Variants in PTPRG observed in about 807,000 individuals in gnomAD.
PTPRG encodes the protein receptor-type tyrosine-protein phosphatase gamma.
PTPRG carries 102 observed loss-of-function variants against 165.3 expected under a neutral mutation model. The ratio of observed to expected loss-of-function variants is 0.62; its 90% CI spans 0.53 to 0.73. The LOEUF is 0.73. Among genes scored for constraint, PTPRG ranks in the 30% least tolerant of loss-of-function variants. The pLI, the probability that PTPRG is intolerant of heterozygous loss-of-function variation, is 0.00. For synonymous variants in PTPRG, 675 were observed against 669.5 expected (o/e 1.01, Z -0.13); for missense variants, 1,866 against 1,861.4 (o/e 1.00, Z -0.05).
chr3:61,727,776 A>G (rs1471457550), intron 1 of PTPRG, among the ~76,000 whole-genome samples: 1 of 152,256 alleles, frequency 6.6e-6, no homozygotes, highest in African/African-American at 2.4e-5. Context: ...GTTCTAGGTA[A>G]CTAAATAATT....
At chr3:61,902,178 C>G (rs2038515972) in intron 2 of PTPRG, among the ~76,000 whole-genome samples, 1 of 152,164 alleles carries the variant, frequency 6.6e-6, no homozygotes, top group African/African-American at 2.4e-5. Flanking sequence ...TGGAGAGATG[C>G]CACATTCTTC....
chr3:61,928,306 G>C (rs2039276769), intron 2 of PTPRG, among the ~76,000 whole-genome samples: 1 of 152,072 alleles, frequency 6.6e-6, no homozygotes, highest in African/African-American at 2.4e-5. Flanking sequence ...AGAATAATGC[G>C]ACCCCATATT....
chr3:61,599,826 C>G (rs1044748195), intron 1 of PTPRG, among the ~76,000 whole-genome samples: 15 of 152,092 alleles, frequency 9.9e-5, no homozygotes, highest in African/African-American at 2.2e-4. Flanking sequence ...CAAACAAATG[C>G]ATTCATGTTT....
At chr3:62,201,666 C>A (rs1252329026) in intron 11 of PTPRG, 112 bp downstream of exon 11, 20 of 919,692 alleles carry the variant, frequency 2.2e-5, no homozygotes, top group Non-Finnish European at 3.1e-5. Flanking sequence ...CAGTGTAAAG[C>A]GGTTATAGTA....
intron 5 of PTPRG, chr3:62,124,413 G>T (rs754390687): frequency 5.6e-6 from 9 of 1,613,926 alleles, no homozygotes; most frequent in Non-Finnish European, 7.6e-6. Flanking sequence ...ATGACGTGCT[G>T]CAGGATTTCC....
chr3:61,583,334 G>GCCC, intron 1 of PTPRG, among the ~76,000 whole-genome samples: 1 of 152,236 alleles, frequency 6.6e-6, no homozygotes, highest in South Asian at 2.1e-4. Flanking sequence ...CCTTACAGTG[G>GCCC]TCTTGTAAAC....
chr3:62,159,085 G>A (rs1009610222), intron 7 of PTPRG, among the ~76,000 whole-genome samples: 5 of 152,050 alleles, frequency 3.3e-5, no homozygotes, highest in Admixed American at 2.6e-4. Flanking sequence ...AGCACTTTGG[G>A]AGGGTGAAGC....
chr3:62,271,482 C>T lies in PTPRG; in HGVS notation c.3109C>T (p.Pro1037Ser), dbSNP rs1420124322. 1.2e-6 allele frequency: 2 copies of T among 1,613,908 alleles called. No homozygotes were observed. Among genetic ancestry groups the T allele is most frequent in the Non-Finnish European group, 1.7e-6 (2 of 1,179,892 alleles). ...PDMGVPEYAL[P>S]VLTFVRRSSA... ...CATGGGAGTTCCCGAGTATGCCCTT[C>T]CAGTACTGACTTTCGTGAGGAGATC... Residue 1037 changes from proline (P) to serine (S), a missense_variant, in exon 21 of 30, where the codon CCA (proline) becomes TCA (serine). Around this residue, in one of 3 missense-constraint regions of PTPRG, gnomAD observed 1,452 missense variants for 1,463.0 expected, o/e 0.99. Transcript: ENST00000474889. This position sits in a 1 kb window ranked among gnomAD's most constrained non-coding sequence, Gnocchi z 4.1.
chr3:62,191,507 C>G lies in PTPRG; in HGVS notation c.1072C>G (p.Leu358Val). ...ACCCATCCACATGAAGGTGCAGCCT[C>G]TGAACCAGACGGCACTGCAGGTGTC... ...SPPIHMKVQP[L>V]NQTALQVSWS... The change falls in exon 9 of 30, where the codon CTG (leucine) becomes GTG (valine). Residue 358 changes from leucine (L) to valine (V), a missense_variant. Leu to Val is a conservative substitution (Grantham distance 32, BLOSUM62 1). Coordinates refer to ENST00000474889, the MANE Select transcript of PTPRG (RefSeq NM_002841.4). 1 of 1,614,154 alleles carries G rather than the reference C, an allele frequency of 6.2e-7. No individual in the cohort carries two copies. Among genetic ancestry groups the G allele is most frequent in the South Asian group, 1.1e-5 (1 of 91,072 alleles).
chr3:61,957,001 C>T (rs1052706403), intron 2 of PTPRG, among the ~76,000 whole-genome samples: 2 of 152,104 alleles, frequency 1.3e-5, no homozygotes, highest in Non-Finnish European at 2.9e-5. Context: ...TGTTAGTATT[C>T]CACATTAATA....
chr3:62,195,284 AT>A lies in PTPRG; in HGVS notation c.1327+115del. 2 of 973,266 alleles carry A rather than the reference AT, an allele frequency of 2.1e-6. No homozygotes were observed. Among genetic ancestry groups the A allele is most frequent in the Non-Finnish European group, 3.2e-6 (2 of 625,682 alleles). 60.3% of individuals were successfully genotyped at this position (973,266 alleles called of 1,614,324 possible). On this transcript the variant is annotated intron_variant, in intron 10 of 29. Transcript: ENST00000474889. This position sits in a 1 kb window ranked among gnomAD's most constrained non-coding sequence, Gnocchi z 4.4. ...AAATACAAACAAGCCTGGCAGAAGA[AT>A]CAGTGTAGGGTTTTAAAGCCTATGC...
chr3:62,178,519 C>A (rs1372463706), intron 8 of PTPRG, among the ~76,000 whole-genome samples: 2 of 152,168 alleles, frequency 1.3e-5, no homozygotes, highest in Non-Finnish European at 2.9e-5. Context: ...CCAAAAGCCA[C>A]CTTGGATGGA....
At chr3:61,928,771 C>T (rs112259000) in intron 2 of PTPRG, among the ~76,000 whole-genome samples, 109 of 152,010 alleles carry the variant, frequency 7.2e-4, no homozygotes, top group African/African-American at 2.5e-3. Flanking sequence ...TATCTCTTTT[C>T]AGGGTTGATA....
chr3:62,278,442 A>C (rs1222664489), intron 26 of PTPRG, among the ~76,000 whole-genome samples: 2 of 152,098 alleles, frequency 1.3e-5, no homozygotes, highest in African/African-American at 2.4e-5. Flanking sequence ...CAAGTTTATA[A>C]AACAGACTTA....
chr3:61,894,301 C>CAAAGAAA (rs2038292594), intron 2 of PTPRG, among the ~76,000 whole-genome samples: 1 of 49,838 alleles, frequency 2.0e-5, no homozygotes, highest in Non-Finnish European at 3.6e-5. Context: ...GACTCTGTGT[C>CAAAGAAA]AAAAAAAAAA....
At chr3:61,702,596 G>A (rs1462257881) in intron 1 of PTPRG, among the ~76,000 whole-genome samples, 1 of 152,218 alleles carries the variant, frequency 6.6e-6, no homozygotes, top group East Asian at 1.9e-4. Flanking sequence ...TTCTATAGGT[G>A]TGTTACTGCT....
intron 16 of PTPRG, among the ~76,000 whole-genome samples, chr3:62,257,299 G>A (rs1181152845): frequency 6.6e-6 from 1 of 152,086 alleles, no homozygotes; most frequent in Non-Finnish European, 1.5e-5. Context: ...AAGCTATTAC[G>A]GCTATTTTAT....
At chr3:61,673,766 A>G (rs1197110258) in intron 1 of PTPRG, among the ~76,000 whole-genome samples, 3 of 152,172 alleles carry the variant, frequency 2.0e-5, no homozygotes, top group African/African-American at 7.2e-5. Flanking sequence ...TTGAACTCTG[A>G]GCAACACTTG....
At chr3:61,882,369 C>G (rs1183224038) in intron 2 of PTPRG, among the ~76,000 whole-genome samples, 1 of 152,110 alleles carries the variant, frequency 6.6e-6, no homozygotes, top group East Asian at 1.9e-4. Flanking sequence ...CCAAAATGTC[C>G]CTGAAACTAT....
Sources: gnomAD v4.1 joint callset for allele counts (sites outside exome capture counted in the v4.1 genomes callset) on GRCh38, gnomAD v4.1.1 for gene constraint, gnomAD v4.1.1 regional missense constraint, Gnocchi (gnomAD v3.1) non-coding constraint, MANE v1.5 for transcripts, NCBI Gene and HGNC (gene_info 2026-07-23, HGNC 2026-07-21) for gene names.